NDC80: variants seen among roughly 807,000 people sequenced by gnomAD.
The protein encoded by NDC80 is NDC80 kinetochore complex component, also known as kinetochore protein NDC80 homolog.
A neutral mutation model predicts 89.3 loss-of-function variants in NDC80; 69 were observed. That is an observed-to-expected ratio of 0.77 (90% CI 0.64 to 0.94). NDC80 has a LOEUF of 0.94. Ranked by LOEUF, NDC80 falls within the 40% of genes least tolerant of loss-of-function variation. The pLI is 0.00. For missense variants in NDC80, 593 were observed against 739.6 expected (o/e 0.80, Z 2.30); for synonymous variants, 243 against 255.6 (o/e 0.95, Z 0.47).
chr18:2,606,643 T>A (rs571026825), intron 14 of NDC80, 136 bp downstream of exon 14: 13 of 467,994 alleles, frequency 2.8e-5, no homozygotes, highest in African/African-American at 2.6e-4. Flanking sequence ...GTTAGTTTTC[T>A]CTGCCAAAGT....
At chr18:2,612,299 T>C (rs1272791932) in intron 16 of NDC80, among the ~76,000 whole-genome samples, 1 of 131,636 alleles carries the variant, frequency 7.6e-6, no homozygotes, top group African/African-American at 2.9e-5. Flanking sequence ...TTTTTTTTTT[T>C]TTTTTTTTTT....
At chr18:2,613,785 G>A (rs1340688561) in intron 16 of NDC80, among the ~76,000 whole-genome samples, 3 of 152,156 alleles carry the variant, frequency 2.0e-5, no homozygotes, top group Non-Finnish European at 4.4e-5. Context: ...GACACGGAAA[G>A]AGAGTGGAAA....
chr18:2,612,379 C>A (rs183655135), intron 16 of NDC80, among the ~76,000 whole-genome samples: 151 of 144,508 alleles, frequency 1.0e-3, no homozygotes, highest in Non-Finnish European at 1.7e-3. Context: ...AAACTCGCCT[C>A]CCAGGTTCAA....
chr18:2,578,084 A>G lies in NDC80; in HGVS notation c.419A>G (p.Tyr140Cys). Residue 140 changes from tyrosine to cysteine, a missense_variant, in exon 5 of 17, where the codon TAC (tyrosine) becomes TGC (cysteine). Coordinates refer to ENST00000261597, the MANE Select transcript of NDC80 (RefSeq NM_006101.3). ...TFLYGFLCPS[Y>C]ELPDTKFEEE... is the part of the protein sequence containing the mutation. ...CTTTATGGCTTCCTGTGCCCCTCAT[A>G]CGAACTTCCTGACACAAAGTTTGAA... is the stretch of plus-strand genomic sequence containing the variant. 2 of 1,613,994 alleles carry G rather than the reference A, an allele frequency of 1.2e-6. No homozygotes were observed. Among genetic ancestry groups the G allele is most frequent in the Non-Finnish European group, 1.7e-6 (2 of 1,179,930 alleles).
chr18:2,601,488 A>G lies in NDC80; in HGVS notation c.1464+3A>G, dbSNP rs373959149. The stretch of plus-strand genomic sequence containing the variant: ...GTTTGGAGGATACTTTAGAACAAGT[A>G]AGTAATAAAACATAAAAAGTCATAA... On this transcript the variant is annotated splice_donor_region_variant and intron_variant, in intron 13 of 16. Coordinates refer to ENST00000261597, the MANE Select transcript of NDC80 (RefSeq NM_006101.3). 264 of 1,279,996 alleles carry G rather than the reference A, an allele frequency of 2.1e-4. No individual in the cohort carries two copies. Among genetic ancestry groups the G allele is most frequent in the Non-Finnish European group, 2.8e-4 (258 of 937,720 alleles). The allele number at this position is 1,279,996 out of a possible 1,614,324, so 79.3% of individuals were successfully genotyped here.
chr18:2,614,263 C>A (rs1044704705), intron 16 of NDC80, among the ~76,000 whole-genome samples: 1 of 151,856 alleles, frequency 6.6e-6, no homozygotes, highest in African/African-American at 2.4e-5. Flanking sequence ...ATGGTGAAAC[C>A]CCATCTCTAC....
intron 6 of NDC80, among the ~76,000 whole-genome samples, chr18:2,581,586 G>C (rs1288919091): frequency 6.6e-6 from 1 of 152,238 alleles, no homozygotes; most frequent in Non-Finnish European, 1.5e-5. Flanking sequence ...TTGAACCCAG[G>C]AGGTGGAGGT....
chr18:2,610,834 G>A lies in NDC80; in HGVS notation c.1764G>A (p.Met588Ile), dbSNP rs1027813739. The A allele has an allele frequency of 6.3e-7, 1 of 1,585,916 alleles. No homozygotes were observed. The highest frequency in any genetic ancestry group is 8.6e-7 in the Non-Finnish European group (1 of 1,160,558). The change falls in exon 16 of 17, where the codon ATG becomes ATA. Residue 588 changes from methionine (M) to isoleucine (I), a missense_variant. Met to Ile is a conservative substitution (Grantham distance 10). Coordinates refer to ENST00000261597, the MANE Select transcript of NDC80 (RefSeq NM_006101.3). ...ATAACTTGCAACGTCTGTTAGAGAT[G>A]GTTGCTACACATGTTGGGTCTGTAG... is the stretch of plus-strand genomic sequence containing the variant. ...VGNNLQRLLE[M>I]VATHVGSVEK...
intron 6 of NDC80, among the ~76,000 whole-genome samples, chr18:2,581,488 C>T (rs2143636813): frequency 6.6e-6 from 1 of 152,212 alleles, no homozygotes; most frequent in Middle Eastern, 3.4e-3. Flanking sequence ...TGACAAAACC[C>T]CATCTCTACT....
chr18:2,595,342 T>C, intron 10 of NDC80, 74 bp from the exon 11 acceptor site: 2 of 917,306 alleles, frequency 2.2e-6, no homozygotes, highest in Non-Finnish European at 1.7e-6. Flanking sequence ...ATATCTTAGC[T>C]CTATTACATG....
chr18:2,590,629 T>C (rs2072623083), intron 10 of NDC80, among the ~76,000 whole-genome samples: 1 of 152,220 alleles, frequency 6.6e-6, no homozygotes, highest in African/African-American at 2.4e-5. Flanking sequence ...TGGATAATAA[T>C]ACAGGGCTCT....
chr18:2,612,268 TTTTC>T (rs1429552746), intron 16 of NDC80, among the ~76,000 whole-genome samples: 2 of 136,188 alleles, frequency 1.5e-5, no homozygotes, highest in Non-Finnish European at 3.1e-5. Flanking sequence ...TCTGACTTTC[TTTTC>T]TTTCTTTTTT....
chr18:2,573,083 A>G lies in NDC80; in HGVS notation c.98A>G (p.Gln33Arg), dbSNP rs535736877. 1.2e-6 allele frequency: 2 copies of G among 1,608,958 alleles called. No individual in the cohort carries two copies. Among genetic ancestry groups the G allele is most frequent in the South Asian group, 1.1e-5 (1 of 90,530 alleles). Residue 33 changes from glutamine (Q) to arginine (R), a missense_variant, in exon 2 of 17, where the codon CAA (glutamine) becomes CGA (arginine). Gln to Arg is a conservative substitution (Grantham distance 43). Coordinates refer to ENST00000261597, the MANE Select transcript of NDC80 (RefSeq NM_006101.3). Reference protein sequence around the residue: ...DVNKQGLYTPQTKEKPTFGKL... With the variant: ...DVNKQGLYTPRTKEKPTFGKL... ...AATAAACAAGGCCTCTATACCCCTCAAACGTGAGTATTTCCCTTGTGGTTC... is the reference window on the plus strand; with the variant it reads ...AATAAACAAGGCCTCTATACCCCTCGAACGTGAGTATTTCCCTTGTGGTTC...
chr18:2,603,378 T>TATATATATATATATATATATAC (rs1491296244), intron 13 of NDC80, among the ~76,000 whole-genome samples: 2 of 143,496 alleles, frequency 1.4e-5, no homozygotes, highest in Non-Finnish European at 3.1e-5. Flanking sequence ...TATATATATA[T>TATATATATATATATATATATAC]ACACCTATGT....
At chr18:2,616,297 T>G in intron 16 of NDC80, 140 bp from the exon 17 acceptor site, 1 of 477,664 alleles carries the variant, frequency 2.1e-6, no homozygotes, top group South Asian at 3.3e-5. Context: ...AGTGCTGGGA[T>G]TGCAGGAGTG....
intron 16 of NDC80, chr18:2,614,565 G>GGAAGGA (rs2072768215): frequency 4.3e-4 from 2 of 4,656 alleles, no homozygotes; most frequent in Non-Finnish European, 8.0e-4. Flanking sequence ...GGAAGGAAGG[G>GGAAGGA]AAAGAAAGAA....
intron 6 of NDC80, among the ~76,000 whole-genome samples, chr18:2,583,352 TAA>T (rs1403265642): frequency 6.6e-6 from 1 of 152,158 alleles, no homozygotes; most frequent in Non-Finnish European, 1.5e-5. Flanking sequence ...TGACAAGATA[TAA>T]GATTCTGTTC....
intron 1 of NDC80, 144 bp downstream of exon 1, chr18:2,571,827 CTG>C (rs1427576728): frequency 6.6e-6 from 1 of 152,342 alleles, no homozygotes; most frequent in Non-Finnish European, 1.5e-5. Flanking sequence ...GAGGCCAAAA[CTG>C]TGCGAGGCGC....
intron 8 of NDC80, among the ~76,000 whole-genome samples, chr18:2,588,654 A>T (rs2143644264): frequency 6.6e-6 from 1 of 152,304 alleles, no homozygotes; most frequent in African/African-American, 2.4e-5. Flanking sequence ...GTCCCCTGGG[A>T]TTGTATCTTC....
Sources: allele counts gnomAD v4.1 joint callset (sites outside exome capture counted in the v4.1 genomes callset), GRCh38; gene constraint gnomAD v4.1.1; transcripts MANE v1.5; gene names NCBI Gene and HGNC (gene_info 2026-07-23, HGNC 2026-07-21).